Variants in NRXN1 observed in about 807,000 individuals in gnomAD.
NRXN1 encodes neurexin-1.
In NRXN1, 39 loss-of-function variants were observed where a neutral mutation model predicts 150.9. The ratio of observed to expected loss-of-function variants is 0.26; its 90% CI spans 0.20 to 0.34. The LOEUF is 0.34. NRXN1 is among the 10% of genes least tolerant of loss of function. The pLI, the probability that NRXN1 is intolerant of heterozygous loss-of-function variation, is 1.00. For synonymous variants in NRXN1, 924 were observed against 757.0 expected, an observed-to-expected ratio of 1.22 and a Z score of -3.62; for missense variants, 1,815 against 1,949.9, an observed-to-expected ratio of 0.93 and a Z score of 1.30.
intron 22 of NRXN1, 144 bp downstream of exon 22, chr2:49,943,560 A>C (rs1672370451): frequency 3.0e-6 from 2 of 661,492 alleles, no homozygotes; most frequent in Admixed American, 2.8e-5. Context: ...AAATTTATGT[A>C]AAAAATAAGA....
intron 19 of NRXN1, among the ~76,000 whole-genome samples, chr2:50,069,967 C>A (rs867136473): frequency 6.6e-6 from 1 of 151,562 alleles, no homozygotes; most frequent in Non-Finnish European, 1.5e-5. Context: ...TCTCCTGCCT[C>A]AGCCTCCCGA....
intron 2 of NRXN1, among the ~76,000 whole-genome samples, chr2:51,024,724 A>G (rs1670158609): frequency 6.6e-6 from 1 of 152,092 alleles, no homozygotes; most frequent in African/African-American, 2.4e-5. Context: ...AGTAGTTCTT[A>G]TTGTATTTTA....
chr2:50,592,413 G>C, intron 8 of NRXN1, among the ~76,000 whole-genome samples: 1 of 152,154 alleles, frequency 6.6e-6, no homozygotes, highest in East Asian at 1.9e-4. Flanking sequence ...GAGAAAAGTA[G>C]TAGGCCATGT....
chr2:50,781,818 G>C (rs1176664776), intron 5 of NRXN1, among the ~76,000 whole-genome samples: 1 of 152,122 alleles, frequency 6.6e-6, no homozygotes, highest in Non-Finnish European at 1.5e-5. Context: ...CCTCAATTCG[G>C]ATCTGGCTCT....
intron 5 of NRXN1, among the ~76,000 whole-genome samples, chr2:50,655,301 G>A (rs2104591539): frequency 6.6e-6 from 1 of 151,752 alleles, no homozygotes. Context: ...AAAGAATCAG[G>A]AAGAACTTCA....
chr2:50,180,167 C>T (rs975053736), intron 18 of NRXN1, among the ~76,000 whole-genome samples: 5 of 150,452 alleles, frequency 3.3e-5, no homozygotes, highest in African/African-American at 4.9e-5. Context: ...GAATACAGGG[C>T]GGTGCCCCCA....
intron 21 of NRXN1, among the ~76,000 whole-genome samples, chr2:50,007,111 G>A (rs1369730567): frequency 1.4e-4 from 21 of 152,118 alleles, no homozygotes; most frequent in Non-Finnish European, 1.3e-4. Flanking sequence ...GGGAGGCCAA[G>A]GTGGGAGAAT....
intron 3 of NRXN1, among the ~76,000 whole-genome samples, chr2:50,924,500 G>C (rs1275198256): frequency 1.3e-5 from 2 of 151,572 alleles, no homozygotes; most frequent in Non-Finnish European, 3.0e-5. Context: ...TCACAGGATG[G>C]ATAAGGAAAT....
intron 5 of NRXN1, among the ~76,000 whole-genome samples, chr2:50,678,145 T>C (rs1689812028): frequency 2.0e-5 from 3 of 152,148 alleles, no homozygotes; most frequent in Admixed American, 2.0e-4. Flanking sequence ...GCCCAATGCG[T>C]CTGATTTTAT....
chr2:50,882,755 T>C (rs191284592), intron 5 of NRXN1, among the ~76,000 whole-genome samples: 2 of 151,982 alleles, frequency 1.3e-5, no homozygotes, highest in African/African-American at 4.8e-5. Context: ...CCTTCAACCA[T>C]AAATTATTAT....
chr2:50,829,643 G>A lies in NRXN1; in HGVS notation c.832+92226C>T, dbSNP rs938909278. 9 of 1,611,770 alleles carry A rather than the reference G, an allele frequency of 5.6e-6. No individual in the cohort carries two copies. The East Asian group carries it at 1.8e-4, about 32-fold the overall frequency. On this transcript the variant is annotated intron_variant, in intron 5 of 22. Transcript: ENST00000401669. ...TACTACTGGGGATTCCAGTAGCCAG[G>A]TTGGTACGGGACGGCATCATAACAG...
At chr2:50,509,612 C>A (rs145804279) in intron 12 of NRXN1, among the ~76,000 whole-genome samples, 2 of 152,106 alleles carry the variant, frequency 1.3e-5, no homozygotes, top group South Asian at 2.1e-4. Context: ...TTAACATATA[C>A]AAACTTGTTA....
In NRXN1 at chr2:50,531,306, C is replaced by T. The variant is rs201741425; in HGVS notation, c.2268G>A (p.Met756Ile). 69 of 1,613,474 alleles carry T rather than the reference C, an allele frequency of 4.3e-5. No homozygotes were observed. In the South Asian group the frequency reaches 7.5e-4, roughly 17 times the overall value. Residue 756 changes from methionine to isoleucine, a missense_variant, in exon 11 of 23, where the codon ATG becomes ATA. Transcript: ENST00000401669. ...CAGCAGAGTCTCTAGAAGTGGTTGC[C>T]ATCAGAATGCCATATGCACGCTGGG... ...FRSQRAYGIL[M>I]ATTSRDSADT...
chr2:51,001,071 T>C (rs1699984001), intron 2 of NRXN1, among the ~76,000 whole-genome samples: 1 of 151,948 alleles, frequency 6.6e-6, no homozygotes, highest in Non-Finnish European at 1.5e-5. Context: ...AGAATTAGAA[T>C]GCCTTTCCCC....
intron 5 of NRXN1, among the ~76,000 whole-genome samples, chr2:50,784,204 G>A (rs1040589580): frequency 6.6e-6 from 1 of 152,094 alleles, no homozygotes; most frequent in Non-Finnish European, 1.5e-5. Flanking sequence ...AGGCACTAGG[G>A]TTATAAAATA....
intron 19 of NRXN1, among the ~76,000 whole-genome samples, chr2:50,083,110 G>C (rs1308003608): frequency 1.3e-5 from 2 of 152,252 alleles, no homozygotes; most frequent in East Asian, 3.9e-4. Context: ...TACTACAAGA[G>C]AACTTTATGA....
chr2:50,206,264 A>C (rs1331755932), intron 18 of NRXN1, among the ~76,000 whole-genome samples: 5 of 146,402 alleles, frequency 3.4e-5, no homozygotes, highest in Non-Finnish European at 6.0e-5. Flanking sequence ...CACACACACA[A>C]CAATTTTTTT....
At chr2:50,373,682 A>G (rs1397295311) in intron 17 of NRXN1, among the ~76,000 whole-genome samples, 30 of 109,618 alleles carry the variant, frequency 2.7e-4, no homozygotes, top group African/African-American at 8.8e-4. Context: ...AAGAAAGAAA[A>G]GAAAGAAGGA....
intron 5 of NRXN1, among the ~76,000 whole-genome samples, chr2:50,678,453 G>C (rs563059827): frequency 6.6e-6 from 1 of 152,252 alleles, no homozygotes; most frequent in South Asian, 2.1e-4. Context: ...GTTATATTAA[G>C]ATAACTCCTT....
Sources: allele counts gnomAD v4.1 joint callset (sites outside exome capture counted in the v4.1 genomes callset), GRCh38; gene constraint gnomAD v4.1.1; transcripts MANE v1.5; gene names NCBI Gene and HGNC (gene_info 2026-07-23, HGNC 2026-07-21).